Variants in TPH1 observed in about 807,000 individuals in gnomAD.
The protein encoded by TPH1 is tryptophan 5-hydroxylase 1.
A neutral mutation model predicts 49.5 loss-of-function variants in TPH1; 37 were observed. The ratio of observed to expected loss-of-function variants is 0.75; its 90% CI spans 0.58 to 0.98. The LOEUF is 0.98. Ranked by LOEUF, TPH1 falls within the 50% of genes least tolerant of loss-of-function variation. TPH1 has a pLI of 0.00. For synonymous variants in TPH1, 160 were observed against 182.1 expected, an observed-to-expected ratio of 0.88 and a Z score of 0.98; for missense variants, 487 against 523.6, an observed-to-expected ratio of 0.93 and a Z score of 0.68.
intron 2 of TPH1, among the ~76,000 whole-genome samples, chr11:18,036,591 A>C (rs1350253797): frequency 2.6e-5 from 4 of 152,200 alleles, no homozygotes; most frequent in Non-Finnish European, 5.9e-5. Flanking sequence ...AATACCTCAA[A>C]TCTCTTAAGC....
chr11:18,037,291 A>G (rs1380346027), intron 2 of TPH1, among the ~76,000 whole-genome samples: 1 of 151,906 alleles, frequency 6.6e-6, no homozygotes, highest in Non-Finnish European at 1.5e-5. Context: ...CCAGGAGGTT[A>G]AGGCTACAGT....
intron 8 of TPH1, among the ~76,000 whole-genome samples, chr11:18,024,533 A>C (rs1394040956): frequency 6.6e-6 from 1 of 152,192 alleles, no homozygotes; most frequent in Admixed American, 6.5e-5. Flanking sequence ...AAAGCATTGA[A>C]TATCTTAACA....
intron 7 of TPH1, 34 bp downstream of exon 7, chr11:18,026,456 T>TTGA: frequency 6.3e-7 from 1 of 1,597,940 alleles, no homozygotes. Flanking sequence ...AAATAACCAT[T>TTGA]TGATGAATTC....
In TPH1 at chr11:18,020,974, T is replaced by C. The variant is rs760643675; in HGVS notation, c.*17A>G. On this transcript the variant is annotated 3_prime_UTR_variant, in exon 11 of 11. Transcript: ENST00000682019. ...CTCCGAATTGATGCTCAAATGTTCC[T>C]GGATGACTGGCTACTGTTAGATACT... 6.2e-7 allele frequency: 1 copy of C among 1,613,482 alleles called. No individual in the cohort carries two copies. Among genetic ancestry groups the C allele is most frequent in the Non-Finnish European group, 8.5e-7 (1 of 1,179,592 alleles).
At chr11:18,022,727 T>C in intron 10 of TPH1, 71 bp downstream of exon 10, 3 of 1,566,928 alleles carry the variant, frequency 1.9e-6, no homozygotes, top group Non-Finnish European at 2.6e-6. Context: ...TGCTTACTTC[T>C]GTGACTTGTT....
At chr11:18,023,671 TTATC>T (rs34286483) in intron 9 of TPH1, among the ~76,000 whole-genome samples, 2 of 151,882 alleles carry the variant, frequency 1.3e-5, no homozygotes, top group African/African-American at 2.4e-5. Context: ...AATTCTTATT[TTATC>T]TATCTATCTA....
At chr11:18,032,211 C>G (rs1847997323) in intron 4 of TPH1, among the ~76,000 whole-genome samples, 1 of 152,116 alleles carries the variant, frequency 6.6e-6, no homozygotes, top group Non-Finnish European at 1.5e-5. Context: ...TACTAATTCT[C>G]CAACTCTTGC....
Position 18,017,785 on chromosome 11 carries a change from A to G in TPH1, c.*3206T>C, listed in dbSNP as rs1854312289. 6.6e-6 allele frequency: 1 copy of G among 152,154 alleles called. No individual in the cohort carries two copies. The highest frequency in any genetic ancestry group is 2.1e-4 in the South Asian group (1 of 4,830). 9.4% of individuals were successfully genotyped at this position (152,154 alleles called of 1,614,324 possible). ...TTAAAAGCTAACAATAATTATTTAC[A>G]TTTTGGTGTGTCATTACTACTTGTA... On this transcript the variant is annotated 3_prime_UTR_variant, in exon 11 of 11. Coordinates refer to ENST00000682019, the MANE Select transcript of TPH1 (RefSeq NM_004179.3).
At chr11:18,045,474 A>ACCC (rs397778346) in intron 1 of TPH1, among the ~76,000 whole-genome samples, 1,098 of 65,452 alleles carry the variant, frequency 0.017, 16 homozygotes, top group African/African-American at 0.049. Context: ...TTAGAATTCC[A>ACCC]CCCCCCCCTT....
At position 18,035,986 on chromosome 11, in the gene TPH1, G is replaced by C. The variant is rs1361449809; in HGVS notation, c.274C>G (p.Pro92Ala). The C allele has an allele frequency of 6.2e-7, 1 of 1,611,894 alleles. No homozygotes were observed. The highest frequency in any genetic ancestry group is 1.3e-5 in the African/African-American group (1 of 74,826). The change falls in exon 3 of 11, where the codon CCA (proline) becomes GCA (alanine). Residue 92 changes from proline (P) to alanine (A), a missense_variant. Pro to Ala is a conservative substitution (Grantham distance 27). Transcript: ENST00000682019. ...TCTTCCTTCAAAGTAAAATTATCTG[G>C]TAGATTCACAGAGAGAACATTGGTA... ...SHTNVLSVNL[P>A]DNFTLKEDGM...
At chr11:18,029,108 G>C (rs1196525205) in intron 6 of TPH1, 57 bp downstream of exon 6, 2 of 863,616 alleles carry the variant, frequency 2.3e-6, no homozygotes, top group South Asian at 1.5e-5. Context: ...AAAAAATGCT[G>C]TCATGATCAA....
chr11:18,043,881 A>AT (rs1417913121), intron 1 of TPH1, among the ~76,000 whole-genome samples: 40 of 151,126 alleles, frequency 2.6e-4, no homozygotes, highest in Admixed American at 3.3e-4. Flanking sequence ...AAAAAAAAAA[A>AT]GAGAATTTCC....
intron 10 of TPH1, among the ~76,000 whole-genome samples, chr11:18,022,349 T>TA: frequency 6.6e-6 from 1 of 152,332 alleles, no homozygotes; most frequent in South Asian, 2.1e-4. Flanking sequence ...ACTCTCAGTC[T>TA]AAAACTTAAT....
chr11:18,026,635 AAAG>A lies in TPH1; in HGVS notation c.668-13_668-11del. ...GAAAAACCTGTACGCTCTGCAAAGC[AAAG>A]GAGAAAACAAAGAAAATCTTTACCA... is the stretch of plus-strand genomic sequence containing the variant. On this transcript the variant is annotated splice_polypyrimidine_tract_variant and intron_variant, in intron 6 of 10. Transcript: ENST00000682019. 6.2e-7 allele frequency: 1 copy of A among 1,614,036 alleles called. No homozygotes were observed. The highest frequency in any genetic ancestry group is 8.5e-7 in the Non-Finnish European group (1 of 1,179,920).
rs905881300 is a variant in TPH1, at chr11:18,038,506, T to C, written c.117+2140A>G. ...CTAAAGTGCAGACAAAGTAATTCAA[T>C]GTACATATCAAACATGAGAGCAGCT... On this transcript the variant is annotated intron_variant, in intron 2 of 10. Transcript: ENST00000682019. Among the ~76,000 whole-genome samples, 3 of 152,192 alleles carry C rather than the reference T, an allele frequency of 2.0e-5. No homozygotes were observed. The East Asian group carries it at 5.8e-4, about 29-fold the overall frequency.
intron 7 of TPH1, among the ~76,000 whole-genome samples, chr11:18,025,952 C>CA (rs1209192132): frequency 1.3e-5 from 2 of 151,988 alleles, no homozygotes; most frequent in Non-Finnish European, 2.9e-5. Context: ...CCACAACCCC[C>CA]AACACCCAAC....
intron 4 of TPH1, 113 bp from the exon 5 acceptor site, chr11:18,029,692 G>T: frequency 1.2e-6 from 1 of 809,258 alleles, no homozygotes. Flanking sequence ...CTACATAATT[G>T]ATACTATGAG....
chr11:18,030,013 T>TA (rs1847971601), intron 4 of TPH1, among the ~76,000 whole-genome samples: 1 of 152,228 alleles, frequency 6.6e-6, no homozygotes, highest in Non-Finnish European at 1.5e-5. Flanking sequence ...CCTTAGATTT[T>TA]ATCACAAAAT....
At chr11:18,026,674 C>T (rs1847931921) in intron 6 of TPH1, 49 bp from the exon 7 acceptor site, 20 of 1,611,512 alleles carry the variant, frequency 1.2e-5, no homozygotes, top group Non-Finnish European at 1.7e-5. Flanking sequence ...GAATAGACCC[C>T]TGACTGCAGC....
Sources: allele counts gnomAD v4.1 joint callset (sites outside exome capture counted in the v4.1 genomes callset), GRCh38; gene constraint gnomAD v4.1.1; transcripts MANE v1.5; gene names NCBI Gene and HGNC (gene_info 2026-07-23, HGNC 2026-07-21).